Variants in XPO4 observed in about 807,000 individuals in gnomAD.
The protein encoded by XPO4 is exportin-4.
XPO4 carries 39 observed loss-of-function variants against 143.0 expected under a neutral mutation model. The observed-to-expected ratio is 0.27, with a 90% CI of 0.21 to 0.36. The LOEUF (loss-of-function observed/expected upper bound fraction) is 0.36, where lower values mean the gene tolerates loss of function less well. XPO4 is among the 10% of genes least tolerant of loss of function. The pLI, the probability that XPO4 is intolerant of heterozygous loss-of-function variation, is 1.00. For missense variants in XPO4, 907 were observed against 1,348.0 expected, an observed-to-expected ratio of 0.67 and a Z score of 5.12; for synonymous variants, 439 against 474.0, an observed-to-expected ratio of 0.93 and a Z score of 0.96.
chr13:20,866,299 TAAG>T (rs2060244536), intron 2 of XPO4: 3 of 983,912 alleles, frequency 3.0e-6, no homozygotes, highest in South Asian at 4.7e-5. Flanking sequence ...AACAAAAGGA[TAAG>T]AAGAGAAAGA....
intron 2 of XPO4, among the ~76,000 whole-genome samples, chr13:20,866,755 A>C (rs1260577568): frequency 6.6e-6 from 1 of 152,246 alleles, no homozygotes; most frequent in African/African-American, 2.4e-5. Context: ...AGGAAAACAA[A>C]AGTATTCCAA....
intron 1 of XPO4, chr13:20,869,679 G>T (rs1243492716): frequency 1.4e-6 from 1 of 721,114 alleles, no homozygotes; most frequent in Non-Finnish European, 1.7e-6. Flanking sequence ...TATTCACCCA[G>T]GAAAAATTAA....
At chr13:20,880,473 GA>G (rs2060398025) in intron 1 of XPO4, among the ~76,000 whole-genome samples, 1 of 152,042 alleles carries the variant, frequency 6.6e-6, no homozygotes, top group African/African-American at 2.4e-5. Flanking sequence ...AGCCACTAGG[GA>G]AGATAGTATG....
At chr13:20,883,296 A>G (rs760550540) in intron 1 of XPO4, among the ~76,000 whole-genome samples, 10 of 152,374 alleles carry the variant, frequency 6.6e-5, no homozygotes, top group Non-Finnish European at 8.8e-5. Flanking sequence ...GTAGACTCAA[A>G]GCTAAAGAAA....
intron 1 of XPO4, among the ~76,000 whole-genome samples, chr13:20,893,577 G>A (rs186801115): frequency 0.011 from 1,705 of 152,102 alleles, 15 homozygotes; most frequent in Non-Finnish European, 0.018. Flanking sequence ...CTCACATGGT[G>A]AAACCCCGTC....
intron 4 of XPO4, chr13:20,851,727 A>AAAAAAAAAG (rs1555339515): frequency 1.2e-6 from 1 of 843,370 alleles, no homozygotes; most frequent in Non-Finnish European, 1.4e-6. Context: ...AAAAAAAAAA[A>AAAAAAAAAG]AAAGAAAGAA....
intron 1 of XPO4, among the ~76,000 whole-genome samples, chr13:20,893,255 T>C (rs1595170595): frequency 1.3e-5 from 2 of 152,344 alleles, no homozygotes; most frequent in East Asian, 3.9e-4. Context: ...CCCTGCTTTT[T>C]GTGAACAAGA....
intron 1 of XPO4, among the ~76,000 whole-genome samples, chr13:20,872,589 G>C (rs889454934): frequency 3.9e-5 from 6 of 152,182 alleles, no homozygotes; most frequent in African/African-American, 1.2e-4. Context: ...AGACAGGAAG[G>C]AGGAGGGAAG....
chr13:20,794,559 A>C (rs915765252), intron 18 of XPO4, among the ~76,000 whole-genome samples: 9 of 152,110 alleles, frequency 5.9e-5, no homozygotes, highest in African/African-American at 1.9e-4. Context: ...TGAACCAACT[A>C]ATACTGTATT....
chr13:20,877,322 C>CA (rs1460506586), intron 1 of XPO4, among the ~76,000 whole-genome samples: 1 of 152,192 alleles, frequency 6.6e-6, no homozygotes, highest in Non-Finnish European at 1.5e-5. Context: ...GCAATGCACC[C>CA]ACCCACCTAA....
chr13:20,827,146 G>A lies in XPO4; in HGVS notation c.761C>T (p.Ser254Leu), dbSNP rs201207167. The change falls in exon 7 of 23, where the codon TCG (serine) becomes TTG (leucine). Residue 254 changes from serine (S) to leucine (L), a missense_variant. By Grantham distance (145) the Ser-to-Leu change is moderately radical. Transcript: ENST00000255305. ...TGTTGGCTTCAACAGCACATTTTGC[G>A]AGGATTCAAACATAGCTATATAATG... ...GRHYIAMFES[S>L]QNVLLKPTES... The A allele has an allele frequency of 1.7e-4, 272 of 1,613,764 alleles. No homozygotes were observed. Among genetic ancestry groups the A allele is most frequent in the Non-Finnish European group, 2.2e-4 (257 of 1,179,822 alleles).
chr13:20,888,775 G>A (rs1012277382), intron 1 of XPO4, among the ~76,000 whole-genome samples: 18 of 151,692 alleles, frequency 1.2e-4, no homozygotes, highest in Admixed American at 1.1e-3. Context: ...TCACAATTAT[G>A]AGATAAGTCA....
chr13:20,842,523 T>G (rs2138058873), intron 6 of XPO4, among the ~76,000 whole-genome samples: 1 of 152,264 alleles, frequency 6.6e-6, no homozygotes, highest in Non-Finnish European at 1.5e-5. Flanking sequence ...TTTAAGTCAG[T>G]CAAAAAAATC....
chr13:20,849,175 G>GA (rs1334724023), intron 4 of XPO4: 13 of 985,260 alleles, frequency 1.3e-5, no homozygotes, highest in African/African-American at 1.7e-5. Context: ...CTTACCCCAG[G>GA]AGCTTTATTA....
At chr13:20,832,333 T>C (rs893300136) in intron 6 of XPO4, among the ~76,000 whole-genome samples, 20 of 152,232 alleles carry the variant, frequency 1.3e-4, no homozygotes, top group Non-Finnish European at 2.6e-4. Context: ...TCCGTAATTA[T>C]GCAATTAAGT....
chr13:20,779,570 T>C lies in XPO4; in HGVS notation c.*4152A>G, dbSNP rs1314825025. 3 of 152,268 alleles carry C rather than the reference T, an allele frequency of 2.0e-5. No individual in the cohort carries two copies. The highest frequency in any genetic ancestry group is 4.4e-5 in the Non-Finnish European group (3 of 67,996). 9.4% of individuals were successfully genotyped at this position (152,268 alleles called of 1,614,324 possible). The stretch of plus-strand genomic sequence containing the variant: ...CCACAGTGGGAGAGGAGGGTAAAGA[T>C]GTGAGCTTCAAGCGGGTAATGGGCA... On this transcript the variant is annotated 3_prime_UTR_variant, in exon 23 of 23. Coordinates refer to ENST00000255305, the MANE Select transcript of XPO4 (RefSeq NM_022459.5).
intron 16 of XPO4, 140 bp from the exon 17 acceptor site, chr13:20,797,197 C>CT (rs2059369724): frequency 2.6e-6 from 2 of 772,722 alleles, no homozygotes; most frequent in African/African-American, 1.8e-5. Context: ...CTAAACCAGA[C>CT]TTTACACTCC....
At chr13:20,890,699 T>C (rs2060503643) in intron 1 of XPO4, among the ~76,000 whole-genome samples, 2 of 148,302 alleles carry the variant, frequency 1.3e-5, no homozygotes, top group Admixed American at 1.4e-4. Context: ...CTCAGAGGGC[T>C]GAGGCTGGAG....
chr13:20,785,448 G>C (rs183792234), intron 22 of XPO4, among the ~76,000 whole-genome samples: 1 of 152,060 alleles, frequency 6.6e-6, no homozygotes, highest in African/African-American at 2.4e-5. Context: ...CGAGGCGAGT[G>C]GATTGCTTAA....
Sources: allele counts gnomAD v4.1 joint callset (sites outside exome capture counted in the v4.1 genomes callset), GRCh38; gene constraint gnomAD v4.1.1; transcripts MANE v1.5; gene names NCBI Gene and HGNC (gene_info 2026-07-23, HGNC 2026-07-21).